The following ELOVL6 variants were observed in gnomAD, a reference collection of about 807,000 sequenced individuals.
The protein encoded by ELOVL6 is very long chain fatty acid elongase 6.
ELOVL6 carries 8 observed loss-of-function variants against 31.7 expected under a neutral mutation model. That is an observed-to-expected ratio of 0.25 (90% CI 0.15 to 0.45). The LOEUF (loss-of-function observed/expected upper bound fraction) is 0.45, where lower values mean the gene tolerates loss of function less well. Ranked by LOEUF, ELOVL6 falls within the 20% of genes least tolerant of loss-of-function variation. The probability of loss-of-function intolerance (pLI) is 1.00; values close to 1 mark genes in which losing one functional copy is unlikely to be tolerated. For synonymous variants in ELOVL6, 101 were observed against 117.7 expected (o/e 0.86, Z 0.92); for missense variants, 126 against 326.4 (o/e 0.39, Z 4.73).
At chr4:110,184,425 G>A (rs183735771) in intron 1 of ELOVL6, among the ~76,000 whole-genome samples, 1 of 152,264 alleles carries the variant, frequency 6.6e-6, no homozygotes, top group African/African-American at 2.4e-5. Context: ...GAGAGAAGAA[G>A]GCTTTGGAAT....
Position 110,083,435 on chromosome 4 carries a change from C to A in ELOVL6, c.221+22062G>T, listed in dbSNP as rs199852527. 2.3e-4 allele frequency among the ~76,000 whole-genome samples: 35 copies of A among 151,754 alleles called. No individual in the cohort carries two copies. In the South Asian group the frequency reaches 6.4e-3, roughly 28 times the overall value. On this transcript the variant is annotated intron_variant, in intron 2 of 3. Coordinates refer to ENST00000302274, the MANE Select transcript of ELOVL6 (RefSeq NM_024090.3). ...TCACTAAGCACTAATCAGCTGGGCA[C>A]GCTTGGTACGAGCCCAGAGGCTGGC...
chr4:110,084,042 A>AGATATG lies in ELOVL6; in HGVS notation c.221+21454_221+21455insCATATC, dbSNP rs1560813665. Among the ~76,000 whole-genome samples, 54 of 13,060 alleles carry AGATATG rather than the reference A, an allele frequency of 4.1e-3. 7 individuals are homozygous for AGATATG. Among genetic ancestry groups the AGATATG allele is most frequent in the Admixed American group, 0.029 (34 of 1,180 alleles). The allele number at this position is 13,060 out of a possible 152,430, so 8.6% of individuals were successfully genotyped here. ...TAACATATGCCATATATGGTATATA[A>AGATATG]CACATGCTATATATGATATATAACA... On this transcript the variant is annotated intron_variant, in intron 2 of 3. Transcript: ENST00000302274.
rs1203708461 is a variant in ELOVL6, at chr4:110,084,398, T to TATGACATAC, written c.221+21098_221+21099insGTATGTCAT. 4.8e-3 allele frequency among the ~76,000 whole-genome samples: 459 copies of TATGACATAC among 96,440 alleles called. 14 individuals are homozygous for TATGACATAC. The highest frequency in any genetic ancestry group is 0.011 in the African/African-American group (267 of 25,184). 63.3% of individuals were successfully genotyped at this position (96,440 alleles called of 152,430 possible). A position where few individuals can be genotyped will look rare whatever the true frequency, so the allele number is the denominator to read the frequency against. On this transcript the variant is annotated intron_variant, in intron 2 of 3. Coordinates refer to ENST00000302274, the MANE Select transcript of ELOVL6 (RefSeq NM_024090.3). Reference sequence around the variant, plus strand: ...TATGATATATATCGCATATATGATATATGATATATGACATACATGATATAT... The same window carrying TATGACATAC: ...TATGATATATATCGCATATATGATATATGACATACATGATATATGACATACATGATATAT...
At chr4:110,152,418 CCT>C (rs1758303006) in intron 1 of ELOVL6, among the ~76,000 whole-genome samples, 1 of 152,192 alleles carries the variant, frequency 6.6e-6, no homozygotes, top group Non-Finnish European at 1.5e-5. Flanking sequence ...CCAAATCTTA[CCT>C]CTCTGACACC....
At chr4:110,176,917 A>T (rs894229138) in intron 1 of ELOVL6, among the ~76,000 whole-genome samples, 32 of 152,046 alleles carry the variant, frequency 2.1e-4, no homozygotes, top group Non-Finnish European at 4.4e-4. Context: ...GTATTTTTAG[A>T]AGAGACAGGG....
At chr4:110,176,152 T>TTA (rs1759097586) in intron 1 of ELOVL6, among the ~76,000 whole-genome samples, 1 of 33,282 alleles carries the variant, frequency 3.0e-5, no homozygotes, top group South Asian at 1.4e-3. Context: ...TGTTTCTACC[T>TTA]TATTTATTTA....
intron 1 of ELOVL6, among the ~76,000 whole-genome samples, chr4:110,120,726 C>G (rs747259751): frequency 1.3e-5 from 2 of 151,790 alleles, no homozygotes; most frequent in Non-Finnish European, 2.9e-5. Flanking sequence ...AGGAATGTTA[C>G]ACTTCTCAAC....
intron 2 of ELOVL6, among the ~76,000 whole-genome samples, chr4:110,072,008 A>G (rs148553358): frequency 5.3e-5 from 8 of 152,330 alleles, no homozygotes; most frequent in Admixed American, 3.9e-4. Flanking sequence ...TGAGAAATAC[A>G]GTAGTTCACA....
intron 1 of ELOVL6, among the ~76,000 whole-genome samples, chr4:110,119,332 A>G (rs1236351972): frequency 7.9e-5 from 12 of 152,226 alleles, no homozygotes; most frequent in Non-Finnish European, 1.5e-5. Flanking sequence ...GTATCACATG[A>G]TAAAGTATAT....
At chr4:110,065,460 CT>C (rs1477116697) in intron 2 of ELOVL6, among the ~76,000 whole-genome samples, 1 of 152,144 alleles carries the variant, frequency 6.6e-6, no homozygotes, top group East Asian at 1.9e-4. Context: ...AACCCCATTT[CT>C]ACAAATGCGA....
At chr4:110,093,189 A>C in intron 2 of ELOVL6, 1 of 415,210 alleles carries the variant, frequency 2.4e-6, no homozygotes. Flanking sequence ...CAAATGTATT[A>C]ACTGCATTAC....
chr4:110,189,915 C>T (rs980722759), intron 1 of ELOVL6, among the ~76,000 whole-genome samples: 5 of 150,342 alleles, frequency 3.3e-5, no homozygotes, highest in Admixed American at 2.0e-4. Flanking sequence ...TGCACTGAGC[C>T]GAGATCATGC....
intron 2 of ELOVL6, among the ~76,000 whole-genome samples, chr4:110,061,902 A>G (rs1405152086): frequency 6.6e-6 from 1 of 152,170 alleles, no homozygotes; most frequent in African/African-American, 2.4e-5. Flanking sequence ...AGTAGATCCA[A>G]AGAATGTATG....
chr4:110,168,016 G>T (rs781417865), intron 1 of ELOVL6, among the ~76,000 whole-genome samples: 4 of 152,046 alleles, frequency 2.6e-5, no homozygotes, highest in Non-Finnish European at 5.9e-5. Flanking sequence ...CCAATTGGAA[G>T]GTATAGTTAG....
chr4:110,182,833 G>T (rs977505084), intron 1 of ELOVL6, among the ~76,000 whole-genome samples: 12 of 152,134 alleles, frequency 7.9e-5, no homozygotes, highest in Non-Finnish European at 1.6e-4. Flanking sequence ...ACTTGAACCC[G>T]GGAGGCGGAG....
intron 1 of ELOVL6, 27 bp downstream of exon 1, chr4:110,198,220 A>G: frequency 7.3e-7 from 1 of 1,373,034 alleles, no homozygotes; most frequent in East Asian, 2.3e-5. Context: ...GCTCCCGGGA[A>G]CAGTATCAGG....
intron 2 of ELOVL6, among the ~76,000 whole-genome samples, chr4:110,081,640 A>C (rs372388174): frequency 0.23 from 32,888 of 144,004 alleles, 4,078 homozygotes; most frequent in Non-Finnish European, 0.27. Context: ...CATAAAAACC[A>C]TAGAAGAAAA....
In ELOVL6 at chr4:110,047,224, C is replaced by T. The variant is rs1486126145; in HGVS notation, c.*4114G>A. The T allele has an allele frequency of 2.6e-5, 4 of 151,940 alleles. No individual in the cohort carries two copies. Among genetic ancestry groups the T allele is most frequent in the Non-Finnish European group, 1.5e-5 (1 of 68,008 alleles). The allele number at this position is 151,940 out of a possible 1,614,324, so 9.4% of individuals were successfully genotyped here. A position where few individuals can be genotyped will look rare whatever the true frequency, so the allele number is the denominator to read the frequency against. ...GTGGACATGGACCATGCTTATACAA[C>T]TTAAAGCTCTGAACTCTGAGAGGCA... On this transcript the variant is annotated 3_prime_UTR_variant, in exon 4 of 4. Coordinates refer to ENST00000302274, the MANE Select transcript of ELOVL6 (RefSeq NM_024090.3).
At chr4:110,137,097 T>C (rs1158262775) in intron 1 of ELOVL6, among the ~76,000 whole-genome samples, 1 of 152,188 alleles carries the variant, frequency 6.6e-6, no homozygotes, top group Non-Finnish European at 1.5e-5. Flanking sequence ...AGAAATATAA[T>C]AAAACTAGTT....
Sources: gnomAD v4.1 joint callset for allele counts (sites outside exome capture counted in the v4.1 genomes callset) on GRCh38, gnomAD v4.1.1 for gene constraint, MANE v1.5 for transcripts, NCBI Gene and HGNC (gene_info 2026-07-23, HGNC 2026-07-21) for gene names.